The following ASAP2 variants were observed in gnomAD, a reference collection of about 807,000 sequenced individuals.
ASAP2 encodes the protein arf-GAP with SH3 domain, ANK repeat and PH domain-containing protein 2.
ASAP2 carries 45 observed loss-of-function variants against 131.4 expected under a neutral mutation model. The ratio of observed to expected loss-of-function variants is 0.34; its 90% confidence interval spans 0.27 to 0.44. ASAP2 has a LOEUF of 0.44. Ranked by LOEUF, ASAP2 falls within the 20% of genes least tolerant of loss-of-function variation. ASAP2 has a pLI of 1.00. For synonymous variants in ASAP2, 510 were observed against 503.0 expected (o/e 1.01, Z -0.19); for missense variants, 1,011 against 1,297.0 (o/e 0.78, Z 3.39).
At chr2:9,253,871 G>C (rs190471919) in intron 1 of ASAP2, among the ~76,000 whole-genome samples, 10 of 151,938 alleles carry the variant, frequency 6.6e-5, no homozygotes, top group Non-Finnish European at 1.3e-4. Flanking sequence ...TACATACAAC[G>C]AGATATTTTG....
chr2:9,320,526 T>TTTC lies in ASAP2; in HGVS notation c.470+194_470+196dup, dbSNP rs907290028. ...ATGCTGTCTTCTTCTTCTAATCTGT[T>TTTC]TTCTTCTGTTCCTTTGTCTAAGATG... On this transcript the variant is annotated intron_variant, in intron 5 of 27. Transcript: ENST00000281419. Among the ~76,000 whole-genome samples the TTTC allele has an allele frequency of 3.2e-4, 48 of 152,328 alleles. 1 individual carries two copies. The highest frequency in any genetic ancestry group is 1.2e-3 in the African/African-American group (48 of 41,570).
At chr2:9,210,910 G>C (rs991400810) in intron 1 of ASAP2, among the ~76,000 whole-genome samples, 4 of 151,272 alleles carry the variant, frequency 2.6e-5, no homozygotes, top group African/African-American at 4.8e-5. Flanking sequence ...AATCCCAGCA[G>C]TTTGGGAGGC....
intron 3 of ASAP2, among the ~76,000 whole-genome samples, chr2:9,309,344 G>T (rs1669147151): frequency 1.3e-5 from 2 of 152,214 alleles, no homozygotes; most frequent in Admixed American, 1.3e-4. Context: ...GCACAGTCAT[G>T]CGCAGTCCCA....
chr2:9,263,454 C>G (rs1244470691), intron 1 of ASAP2, among the ~76,000 whole-genome samples: 1 of 152,236 alleles, frequency 6.6e-6, no homozygotes. Flanking sequence ...TCCTTTCTCA[C>G]TCCCCCAGAG....
At chr2:9,332,955 G>C (rs1273896796) in intron 7 of ASAP2, among the ~76,000 whole-genome samples, 1 of 152,216 alleles carries the variant, frequency 6.6e-6, no homozygotes, top group Non-Finnish European at 1.5e-5. Flanking sequence ...CTAGCATCCT[G>C]ACCTCTGTGA....
chr2:9,213,782 A>AACAG (rs374590710), intron 1 of ASAP2, among the ~76,000 whole-genome samples: 100 of 152,334 alleles, frequency 6.6e-4, no homozygotes, highest in African/African-American at 2.4e-3. Flanking sequence ...AAGCCCCCTG[A>AACAG]ACAGACCTTC....
In ASAP2 at chr2:9,311,393, T is replaced by G. The variant is rs2148461812; in HGVS notation, c.346-7131T>G. Among the ~76,000 whole-genome samples the G allele has an allele frequency of 6.6e-6, 1 of 152,228 alleles. No individual in the cohort carries two copies. The highest frequency in any genetic ancestry group is 3.4e-3 in the Middle Eastern group (1 of 290). ...AGAAAAAAAAAGTTTGCCTGCTTGT[T>G]GGTCCAACGTTAATAGCAGTGATTA... On this transcript the variant is annotated intron_variant, in intron 3 of 27. Coordinates refer to ENST00000281419, the MANE Select transcript of ASAP2 (RefSeq NM_003887.3). This position sits in a 1 kb window ranked among gnomAD's most constrained non-coding sequence, Gnocchi z 5.2.
chr2:9,237,278 A>G (rs995649459), intron 1 of ASAP2, among the ~76,000 whole-genome samples: 5 of 152,104 alleles, frequency 3.3e-5, no homozygotes, highest in African/African-American at 1.2e-4. Context: ...CAGGGCCTCA[A>G]CTCCTGAGGC....
chr2:9,248,747 G>C (rs1664507153), intron 1 of ASAP2, among the ~76,000 whole-genome samples: 1 of 152,072 alleles, frequency 6.6e-6, no homozygotes, highest in Admixed American at 6.5e-5. Flanking sequence ...TACACCATTT[G>C]ACATGTAGGT....
chr2:9,243,742 T>G (rs1664145837), intron 1 of ASAP2, among the ~76,000 whole-genome samples: 1 of 152,226 alleles, frequency 6.6e-6, no homozygotes, highest in Non-Finnish European at 1.5e-5. Context: ...CTCATTCATC[T>G]GCTCATTTAT....
At chr2:9,253,858 T>C (rs1474158643) in intron 1 of ASAP2, among the ~76,000 whole-genome samples, 2 of 151,970 alleles carry the variant, frequency 1.3e-5, no homozygotes, top group African/African-American at 2.4e-5. Context: ...GGTCCGAAAA[T>C]AGTACATACA....
rs752573155 is a variant in ASAP2 at position 9,376,915 on chromosome 2, A to G, written c.1754A>G (p.Asp585Gly). 7.4e-6 allele frequency: 12 copies of G among 1,614,036 alleles called. No individual in the cohort carries two copies. The Admixed American group carries it at 1.5e-4, about 20-fold the overall frequency. ...KIPLANGHEP[D>G]ETALHLAVRS... Reference sequence around the variant, plus strand: ...CTTTGTTTGGTTTTTCAGGAGCCGGATGAAACGGCCCTCCACCTTGCAGTC... The same window carrying G: ...CTTTGTTTGGTTTTTCAGGAGCCGGGTGAAACGGCCCTCCACCTTGCAGTC... Residue 585 changes from aspartate to glycine, a missense_variant, in exon 18 of 28, where the codon GAT (aspartate) becomes GGT (glycine). By Grantham distance (94) the Asp-to-Gly change is moderately conservative. Around this residue, in one of 2 missense-constraint regions of ASAP2, gnomAD observed 652 missense variants for 698.9 expected, o/e 0.93. Coordinates refer to ENST00000281419, the MANE Select transcript of ASAP2 (RefSeq NM_003887.3).
chr2:9,288,339 A>G (rs1667596760), intron 2 of ASAP2, among the ~76,000 whole-genome samples: 2 of 152,192 alleles, frequency 1.3e-5, no homozygotes, highest in Non-Finnish European at 2.9e-5. Context: ...CACAGTGTTC[A>G]TGGTAGCTAC....
chr2:9,295,643 C>T lies in ASAP2; in HGVS notation c.200-1657C>T, dbSNP rs917761587. Among the ~76,000 whole-genome samples, 7 of 152,266 alleles carry T rather than the reference C, an allele frequency of 4.6e-5. No homozygotes were observed. The East Asian group carries it at 9.6e-4, about 21-fold the overall frequency. On this transcript the variant is annotated intron_variant, in intron 2 of 27. Transcript: ENST00000281419. The stretch of plus-strand genomic sequence containing the variant: ...TCTTCTGAGGGCTCCTGAGGAGCTG[C>T]GTTTGCGGGTGTGTGTGTGTGCACA...
At chr2:9,218,192 A>T (rs1050174432) in intron 1 of ASAP2, among the ~76,000 whole-genome samples, 4 of 151,978 alleles carry the variant, frequency 2.6e-5, no homozygotes, top group African/African-American at 9.7e-5. Context: ...GTTGCCTGGG[A>T]AGATTTCTCT....
At chr2:9,260,706 C>A (rs1380828387) in intron 1 of ASAP2, among the ~76,000 whole-genome samples, 1 of 152,060 alleles carries the variant, frequency 6.6e-6, no homozygotes, top group East Asian at 1.9e-4. Flanking sequence ...TCCCATTCTA[C>A]CATAGGGGAA....
intron 3 of ASAP2, among the ~76,000 whole-genome samples, chr2:9,317,891 C>T (rs375456459): frequency 6.6e-6 from 1 of 151,992 alleles, no homozygotes; most frequent in Admixed American, 6.6e-5. Flanking sequence ...TCACATACAC[C>T]CTCATGTGCA....
At chr2:9,387,217 A>AAAAAAAAAC (rs1553328994) in intron 21 of ASAP2, among the ~76,000 whole-genome samples, 5 of 151,466 alleles carry the variant, frequency 3.3e-5, no homozygotes, top group South Asian at 2.1e-4. Context: ...CTGTCTCAAA[A>AAAAAAAAAC]AAAAAAAAAA....
intron 7 of ASAP2, among the ~76,000 whole-genome samples, chr2:9,329,568 C>T (rs1009016737): frequency 6.6e-6 from 1 of 152,162 alleles, no homozygotes; most frequent in Non-Finnish European, 1.5e-5. Context: ...CAAGATTACT[C>T]TGTGTGTTGT....
Sources: allele counts gnomAD v4.1 joint callset (sites outside exome capture counted in the v4.1 genomes callset), GRCh38; gene constraint gnomAD v4.1.1; regional missense constraint gnomAD v4.1.1; non-coding constraint Gnocchi (gnomAD v3.1); transcripts MANE v1.5; gene names NCBI Gene and HGNC (gene_info 2026-07-23, HGNC 2026-07-21).